The following JCAD variants were observed in gnomAD, a reference collection of about 807,000 sequenced individuals.
JCAD encodes junctional cadherin 5-associated protein.
A neutral mutation model predicts 98.0 loss-of-function variants in JCAD; 40 were observed. The ratio of observed to expected loss-of-function variants is 0.41; its 90% CI spans 0.32 to 0.53. The LOEUF (loss-of-function observed/expected upper bound fraction) is 0.53, where lower values mean the gene tolerates loss of function less well. JCAD is among the 20% of genes least tolerant of loss of function. JCAD has a pLI of 0.31. For synonymous variants in JCAD, 691 were observed against 682.3 expected (o/e 1.01, Z -0.20); for missense variants, 1,705 against 1,738.1 (o/e 0.98, Z 0.34).
At chr10:30,045,639 C>A (rs1837319811) in intron 2 of JCAD, among the ~76,000 whole-genome samples, 1 of 152,204 alleles carries the variant, frequency 6.6e-6, no homozygotes, top group African/African-American at 2.4e-5. Context: ...ACCCATAAGA[C>A]CCCTTTTCCA....
upstream of JCAD, among the ~76,000 whole-genome samples, chr10:30,060,287 A>G (rs891497445): frequency 2.6e-5 from 4 of 152,194 alleles, no homozygotes; most frequent in African/African-American, 4.8e-5. Flanking sequence ...AGAGGAGGAA[A>G]CTGATGACAG....
intron 1 of JCAD, among the ~76,000 whole-genome samples, chr10:30,053,760 G>GT (rs1837514687): frequency 6.7e-6 from 1 of 149,966 alleles, no homozygotes; most frequent in African/African-American, 2.5e-5. Flanking sequence ...GTCTAATTTA[G>GT]TAAAAAAAAA....
chr10:30,034,550 A>T (rs1329446469), intron 2 of JCAD, among the ~76,000 whole-genome samples: 1 of 152,170 alleles, frequency 6.6e-6, no homozygotes, highest in Non-Finnish European at 1.5e-5. Flanking sequence ...CTTCCTGGTC[A>T]GGTTCGACAC....
intron 3 of JCAD, among the ~76,000 whole-genome samples, chr10:30,020,925 A>G (rs113115136): frequency 0.012 from 1,833 of 152,316 alleles, 40 homozygotes; most frequent in African/African-American, 0.042. Context: ...CTCACATTAC[A>G]TAACACTAGG....
chr10:30,041,245 C>A (rs1022592009), intron 2 of JCAD, among the ~76,000 whole-genome samples: 3 of 151,980 alleles, frequency 2.0e-5, no homozygotes, highest in African/African-American at 4.8e-5. Context: ...AGGGAAGAGG[C>A]GGCCTGTGTC....
intron 1 of JCAD, among the ~76,000 whole-genome samples, chr10:30,099,972 C>A (rs1588654483): frequency 6.6e-6 from 1 of 152,278 alleles, no homozygotes; most frequent in South Asian, 2.1e-4. Flanking sequence ...CCCACCAAAC[C>A]ACTCACCCAG....
At chr10:30,045,862 G>A (rs569953547) in intron 2 of JCAD, among the ~76,000 whole-genome samples, 71 of 152,284 alleles carry the variant, frequency 4.7e-4, no homozygotes, top group Non-Finnish European at 8.2e-4. Context: ...CTTTTACTAC[G>A]CTGGGCAGAA....
At chr10:30,092,050 AAAAAAAAAAAAAAAAT>A (rs1328198604) in intron 1 of JCAD, among the ~76,000 whole-genome samples, 1,285 of 30,118 alleles carry the variant, frequency 0.043, 4 homozygotes, top group Non-Finnish European at 0.061. Context: ...AAAAAAAAAA[AAAAAAAAAAAAAAAAT>A]ATATATATAT....
chr10:30,070,617 C>T (rs1837866977), intron 1 of JCAD, among the ~76,000 whole-genome samples: 1 of 152,186 alleles, frequency 6.6e-6, no homozygotes, highest in Non-Finnish European at 1.5e-5. Context: ...CCACCAAATA[C>T]CTGGAGGTTA....
upstream of JCAD, among the ~76,000 whole-genome samples, chr10:30,060,440 A>C (rs1412214145): frequency 6.6e-6 from 1 of 152,212 alleles, no homozygotes; most frequent in Non-Finnish European, 1.5e-5. Context: ...AAGGGGCAGA[A>C]AGATTAGACT....
At position 30,013,408 on chromosome 10, in the gene JCAD, CCTGA is replaced by C. The variant is rs1398964818; in HGVS notation, c.*4471_*4474del. On this transcript the variant is annotated 3_prime_UTR_variant, in exon 4 of 4. Transcript: ENST00000375377. ...GTTTCTGCTTAACTTCTCTGACAGG[CCTGA>C]CTGTGAGGGCTCGAATTTCAGCTGA... 8 of 152,204 alleles carry C rather than the reference CCTGA, an allele frequency of 5.3e-5. No homozygotes were observed. Among genetic ancestry groups the C allele is most frequent in the African/African-American group, 1.9e-4 (8 of 41,526 alleles). 9.4% of individuals were successfully genotyped at this position (152,204 alleles called of 1,614,324 possible). A position where few individuals can be genotyped will look rare whatever the true frequency, so the allele number is the denominator to read the frequency against.
At chr10:30,050,538 A>G (rs1429918728) in intron 1 of JCAD, among the ~76,000 whole-genome samples, 1 of 151,986 alleles carries the variant, frequency 6.6e-6, no homozygotes, top group African/African-American at 2.4e-5. Flanking sequence ...CTGTACTCCA[A>G]ATGGCCACCG....
intron 1 of JCAD, among the ~76,000 whole-genome samples, chr10:30,051,949 A>G (rs1209755285): frequency 6.6e-6 from 1 of 152,250 alleles, no homozygotes; most frequent in South Asian, 2.1e-4. Flanking sequence ...TGATTTAACC[A>G]ACCTAGTCTC....
intron 1 of JCAD, among the ~76,000 whole-genome samples, chr10:30,052,284 G>A (rs1157307395): frequency 6.6e-6 from 1 of 152,332 alleles, no homozygotes; most frequent in East Asian, 1.9e-4. Context: ...GAGGAAAGGA[G>A]AGAACCCTTT....
chr10:30,049,639 A>G (rs903670878), intron 1 of JCAD, among the ~76,000 whole-genome samples: 1 of 152,198 alleles, frequency 6.6e-6, no homozygotes, highest in African/African-American at 2.4e-5. Flanking sequence ...ATGTCTTTCA[A>G]GGAGTTGTAC....
Position 30,027,001 on chromosome 10 carries a change from C to G in JCAD, c.3147G>C (p.Arg1049=), listed in dbSNP as rs78569749. 9.2e-3 allele frequency: 14,930 copies of G among 1,614,214 alleles called. 554 individuals are homozygous for G. Among genetic ancestry groups the G allele is most frequent in the East Asian group, 0.087 (3,906 of 44,868 alleles). Residue 1049 remains arginine (R), a synonymous_variant, in exon 3 of 4, where the codon CGG becomes CGC. Coordinates refer to ENST00000375377, the MANE Select transcript of JCAD (RefSeq NM_020848.4). ...KNRGLSAPDL[R]SVGLTPGQEQ... ...CTTGCCCAGGGGTGAGCCCCACAGA[C>G]CGTAAGTCTGGAGCTGAGAGCCCTC...
chr10:30,051,916 G>A (rs1445519354), intron 1 of JCAD, among the ~76,000 whole-genome samples: 1 of 152,198 alleles, frequency 6.6e-6, no homozygotes, highest in African/African-American at 2.4e-5. Context: ...GTTGGTTTGA[G>A]AAGATGACAG....
Position 30,073,708 on chromosome 10 carries a change from T to TC in JCAD, n.129-3888dup, listed in dbSNP as rs1837935292. On this transcript the variant is annotated intron_variant and non_coding_transcript_variant, in intron 1 of 2. Transcript: ENST00000465712. ...TTCCTTCCTTCCTTCCTTCCTTCCTTCTTTCCTTCTTTCCTTCCTTCCTTC... is the reference window on the plus strand; with the variant it reads ...TTCCTTCCTTCCTTCCTTCCTTCCTTCCTTTCCTTCTTTCCTTCCTTCCTTC... Among the ~76,000 whole-genome samples the TC allele has an allele frequency of 1.3e-4, 19 of 149,790 alleles. 2 individuals are homozygous for TC. In the South Asian group the frequency reaches 2.8e-3, roughly 22 times the overall value.
At chr10:30,067,532 T>G (rs1244437546) in intron 2 of JCAD, among the ~76,000 whole-genome samples, 1 of 152,224 alleles carries the variant, frequency 6.6e-6, no homozygotes, top group African/African-American at 2.4e-5. Flanking sequence ...TTCACCATTT[T>G]GGCCAGGCTG....
Sources: allele counts gnomAD v4.1 joint callset (sites outside exome capture counted in the v4.1 genomes callset), GRCh38; gene constraint gnomAD v4.1.1; transcripts MANE v1.5; gene names NCBI Gene and HGNC (gene_info 2026-07-23, HGNC 2026-07-21).